EDARADD: variants seen among roughly 807,000 people sequenced by gnomAD.
EDARADD encodes the protein EDAR associated via death domain, also known as ectodysplasin-A receptor-associated adapter protein.
Under a neutral mutation model 25.6 loss-of-function variants are expected in EDARADD, and 20 were observed. That is an observed-to-expected ratio of 0.78 (90% CI 0.55 to 1.14). The LOEUF is 1.14. Among genes scored for constraint, EDARADD ranks in the 50% most tolerant of loss-of-function variants. The probability of loss-of-function intolerance (pLI) is 0.00; values close to 1 mark genes in which losing one functional copy is unlikely to be tolerated. For synonymous variants in EDARADD, 86 were observed against 94.4 expected (o/e 0.91, Z 0.52); for missense variants, 225 against 270.1 (o/e 0.83, Z 1.17).
At chr1:236,455,947 G>A (rs1182262329) in intron 4 of EDARADD, among the ~76,000 whole-genome samples, 2 of 152,224 alleles carry the variant, frequency 1.3e-5, no homozygotes, top group South Asian at 4.1e-4. Context: ...CCGCCACCAC[G>A]TCTGGCTCAT....
intron 3 of EDARADD, among the ~76,000 whole-genome samples, chr1:236,365,725 C>G (rs1397741404): frequency 1.3e-5 from 2 of 152,180 alleles, no homozygotes; most frequent in Non-Finnish European, 1.5e-5. Context: ...TGGCCTCCCT[C>G]CTTTGGAGAC....
At chr1:236,405,769 C>CTT (rs1280509478) in intron 1 of EDARADD, among the ~76,000 whole-genome samples, 6 of 69,782 alleles carry the variant, frequency 8.6e-5, no homozygotes, top group African/African-American at 1.7e-4. Context: ...TTCTTTCTTT[C>CTT]TTTCTTTCTT....
intron 3 of EDARADD, among the ~76,000 whole-genome samples, chr1:236,360,793 C>A (rs1366882306): frequency 1.3e-5 from 2 of 152,026 alleles, no homozygotes; most frequent in African/African-American, 4.8e-5. Flanking sequence ...GTGATTTGCC[C>A]ACCTTGGCCT....
At chr1:236,482,135 A>T (rs1018443744) in intron 5 of EDARADD, 132 bp from the exon 6 acceptor site, 12 of 1,106,208 alleles carry the variant, frequency 1.1e-5, no homozygotes, top group Non-Finnish European at 1.4e-5. Context: ...AAAAAAAGAA[A>T]GAAACGAGCA....
intron 4 of EDARADD, among the ~76,000 whole-genome samples, chr1:236,452,343 C>G (rs1487180287): frequency 6.6e-6 from 1 of 152,142 alleles, no homozygotes; most frequent in East Asian, 1.9e-4. Flanking sequence ...CTCTGTGTCC[C>G]CACCCAAGTC....
intron 3 of EDARADD, among the ~76,000 whole-genome samples, chr1:236,369,604 G>A (rs1425141371): frequency 6.6e-6 from 1 of 152,166 alleles, no homozygotes; most frequent in Non-Finnish European, 1.5e-5. Flanking sequence ...CACTTTGGGG[G>A]GCCGAGGCAG....
Position 236,482,975 on chromosome 1 carries a change from A to T in EDARADD, c.*326A>T. Reference sequence around the variant, plus strand: ...AATTATCCTCTCTCTGAAATACGGTAAAGATTTAAATAGGTCCTGAGACTG... The same window carrying T: ...AATTATCCTCTCTCTGAAATACGGTTAAGATTTAAATAGGTCCTGAGACTG... On this transcript the variant is annotated 3_prime_UTR_variant, in exon 6 of 6. Transcript: ENST00000334232. The T allele has an allele frequency of 5.0e-6, 3 of 605,250 alleles. No individual in the cohort carries two copies. The highest frequency in any genetic ancestry group is 5.8e-6 in the Non-Finnish European group (2 of 345,330). 37.5% of individuals were successfully genotyped at this position (605,250 alleles called of 1,614,324 possible).
chr1:236,442,621 T>C (rs1446196163), intron 4 of EDARADD, among the ~76,000 whole-genome samples: 1 of 152,272 alleles, frequency 6.6e-6, no homozygotes, highest in East Asian at 1.9e-4. Context: ...TTACTCTGTC[T>C]GTGCTGTGCT....
At chr1:236,447,983 G>A (rs896166024) in intron 4 of EDARADD, among the ~76,000 whole-genome samples, 2 of 151,984 alleles carry the variant, frequency 1.3e-5, no homozygotes, top group Admixed American at 6.6e-5. Context: ...TTACACCTGC[G>A]TGCCACCATG....
intron 4 of EDARADD, among the ~76,000 whole-genome samples, chr1:236,450,210 G>A (rs902833365): frequency 2.6e-5 from 4 of 152,018 alleles, no homozygotes; most frequent in Admixed American, 1.3e-4. Flanking sequence ...GGCTGAGGAC[G>A]AAGGATCGCT....
chr1:236,361,079 T>A (rs1667042091), intron 3 of EDARADD, among the ~76,000 whole-genome samples: 1 of 152,166 alleles, frequency 6.6e-6, no homozygotes, highest in Non-Finnish European at 1.5e-5. Flanking sequence ...TGACATACAG[T>A]TGACACACAA....
chr1:236,430,063 G>C (rs1192732496), intron 4 of EDARADD, among the ~76,000 whole-genome samples: 1 of 152,176 alleles, frequency 6.6e-6, no homozygotes, highest in Non-Finnish European at 1.5e-5. Context: ...CTGTAAGAAA[G>C]AGAAGTTACA....
chr1:236,434,919 A>G (rs1658202156), intron 4 of EDARADD, among the ~76,000 whole-genome samples: 1 of 152,222 alleles, frequency 6.6e-6, no homozygotes, highest in Non-Finnish European at 1.5e-5. Flanking sequence ...CAAGATCAAT[A>G]GAGAATTCAG....
intron 4 of EDARADD, among the ~76,000 whole-genome samples, chr1:236,459,755 G>GAT (rs1658988486): frequency 6.6e-6 from 1 of 151,722 alleles, no homozygotes; most frequent in Non-Finnish European, 1.5e-5. Flanking sequence ...TGGGGTTACA[G>GAT]GCTCCCACCG....
chr1:236,456,041 G>A (rs1341559125), intron 4 of EDARADD, among the ~76,000 whole-genome samples: 2 of 152,036 alleles, frequency 1.3e-5, no homozygotes, highest in Non-Finnish European at 2.9e-5. Flanking sequence ...CGCCCGCCTC[G>A]GCCTCCCAAA....
At chr1:236,405,767 TTCTTTCTTTC>T (rs1667702414) in intron 1 of EDARADD, among the ~76,000 whole-genome samples, 1 of 61,234 alleles carries the variant, frequency 1.6e-5, no homozygotes, top group Non-Finnish European at 3.7e-5. Context: ...CTTTCTTTCT[TTCTTTCTTTC>T]TTTCTTTCTT....
chr1:236,388,061 G>C (rs916466424), intron 3 of EDARADD, among the ~76,000 whole-genome samples: 9 of 152,068 alleles, frequency 5.9e-5, no homozygotes, highest in African/African-American at 2.2e-4. Context: ...TTTACAATTA[G>C]ATCTTTAATC....
chr1:236,411,911 T>C (rs1657497809), intron 2 of EDARADD, among the ~76,000 whole-genome samples: 1 of 152,192 alleles, frequency 6.6e-6, no homozygotes, highest in Non-Finnish European at 1.5e-5. Flanking sequence ...TCCTCATAAC[T>C]TAACTAATTA....
At chr1:236,355,338 T>C (rs1185937781) in intron 3 of EDARADD, among the ~76,000 whole-genome samples, 1 of 152,084 alleles carries the variant, frequency 6.6e-6, no homozygotes, top group African/African-American at 2.4e-5. Flanking sequence ...TCTTTTATCC[T>C]AGATTAAGAC....
Sources: allele counts gnomAD v4.1 joint callset (sites outside exome capture counted in the v4.1 genomes callset), GRCh38; gene constraint gnomAD v4.1.1; transcripts MANE v1.5; gene names NCBI Gene and HGNC (gene_info 2026-07-23, HGNC 2026-07-21).